The following KIAA1217 variants were observed in gnomAD, a reference collection of about 807,000 sequenced individuals.
KIAA1217 encodes sickle tail protein homolog.
KIAA1217 carries 88 observed loss-of-function variants against 163.9 expected under a neutral mutation model. That is an observed-to-expected ratio of 0.54 (90% CI 0.45 to 0.64). KIAA1217 has a LOEUF of 0.64. KIAA1217 is among the 30% of genes least tolerant of loss of function. The pLI is 0.00. For synonymous variants in KIAA1217, 903 were observed against 923.1 expected, an observed-to-expected ratio of 0.98 and a Z score of 0.39; for missense variants, 2,372 against 2,475.0, an observed-to-expected ratio of 0.96 and a Z score of 0.88.
intron 2 of KIAA1217, among the ~76,000 whole-genome samples, chr10:24,365,721 A>AC (rs2050691136): frequency 2.0e-5 from 3 of 151,488 alleles, no homozygotes; most frequent in Admixed American, 2.0e-4. Context: ...TATTTTTTTA[A>AC]CCCCTATGTG....
intron 1 of KIAA1217, among the ~76,000 whole-genome samples, chr10:23,808,746 G>A (rs1012542834): frequency 2.6e-5 from 4 of 151,966 alleles, no homozygotes; most frequent in African/African-American, 9.7e-5. Flanking sequence ...TAAAAGATGA[G>A]AAAGAAGCAA....
At chr10:24,192,510 A>T (rs1025484545) in intron 2 of KIAA1217, among the ~76,000 whole-genome samples, 3 of 152,204 alleles carry the variant, frequency 2.0e-5, no homozygotes, top group Non-Finnish European at 4.4e-5. Flanking sequence ...TTCCAGTGTC[A>T]TCCCCATAAG....
chr10:23,896,728 C>T (rs781071440), intron 1 of KIAA1217, among the ~76,000 whole-genome samples: 1 of 152,046 alleles, frequency 6.6e-6, no homozygotes, highest in Non-Finnish European at 1.5e-5. Flanking sequence ...ATGACACTTG[C>T]TTTCTTTGCA....
intron 2 of KIAA1217, among the ~76,000 whole-genome samples, chr10:24,065,631 G>A (rs1157812094): frequency 6.6e-6 from 1 of 152,202 alleles, no homozygotes; most frequent in African/African-American, 2.4e-5. Flanking sequence ...GATGTGGGGT[G>A]GAGAGTTCTG....
At chr10:24,260,812 T>C (rs1032577760) in intron 2 of KIAA1217, among the ~76,000 whole-genome samples, 1 of 152,136 alleles carries the variant, frequency 6.6e-6, no homozygotes, top group Non-Finnish European at 1.5e-5. Flanking sequence ...TTAGACATCA[T>C]ACCTTTTGTC....
chr10:23,801,353 C>G (rs1231687406), intron 1 of KIAA1217, among the ~76,000 whole-genome samples: 1 of 152,094 alleles, frequency 6.6e-6, no homozygotes, highest in Admixed American at 6.6e-5. Context: ...GGAGGGATAG[C>G]GTTAGGATTA....
chr10:24,078,023 A>G (rs921306269), intron 2 of KIAA1217, among the ~76,000 whole-genome samples: 1 of 152,026 alleles, frequency 6.6e-6, no homozygotes, highest in African/African-American at 2.4e-5. Flanking sequence ...TCCTTTGCCT[A>G]CTTTTTAATG....
At chr10:23,941,695 G>T (rs972056362) in intron 1 of KIAA1217, among the ~76,000 whole-genome samples, 25 of 152,138 alleles carry the variant, frequency 1.6e-4, no homozygotes, top group Non-Finnish European at 2.5e-4. Flanking sequence ...AATCCCAGGA[G>T]CCCAGCAAAA....
At chr10:24,326,335 A>G (rs1007398783) in intron 2 of KIAA1217, among the ~76,000 whole-genome samples, 5 of 152,024 alleles carry the variant, frequency 3.3e-5, no homozygotes, top group African/African-American at 1.2e-4. Flanking sequence ...TAAAACTTCC[A>G]TTTGCTTCCT....
intron 2 of KIAA1217, among the ~76,000 whole-genome samples, chr10:24,291,460 G>T (rs1192223044): frequency 6.6e-6 from 1 of 152,174 alleles, no homozygotes; most frequent in African/African-American, 2.4e-5. Flanking sequence ...AACCTGGGAG[G>T]CGGAGGTTCT....
rs553785610 is a variant in KIAA1217 at position 24,163,294 on chromosome 10, C to A, written c.-170-56332C>A. On this transcript the variant is annotated intron_variant, in intron 2 of 18. Coordinates refer to the KIAA1217 transcript ENST00000376462. The stretch of plus-strand genomic sequence containing the variant: ...TCTGACAATCAAAAATGCTCTGTGT[C>A]TTTGGAATGCTGGTTAACCTTTTTG... Among the ~76,000 whole-genome samples the A allele has an allele frequency of 1.1e-4, 17 of 152,310 alleles. No homozygotes were observed. The East Asian group carries it at 3.3e-3, about 29-fold the overall frequency.
At chr10:24,518,299 T>A (rs2070514830) in intron 10 of KIAA1217, among the ~76,000 whole-genome samples, 1 of 151,380 alleles carries the variant, frequency 6.6e-6, no homozygotes, top group African/African-American at 2.4e-5. Context: ...ATGAACAAAT[T>A]TGATTTTTAA....
chr10:24,338,746 TTTAAGA>T (rs1157866298), intron 2 of KIAA1217, among the ~76,000 whole-genome samples: 2 of 152,240 alleles, frequency 1.3e-5, no homozygotes, highest in African/African-American at 2.4e-5. Context: ...TTTGAGGCAT[TTTAAGA>T]TTATTTCCTT....
intron 1 of KIAA1217, among the ~76,000 whole-genome samples, chr10:23,993,191 C>G (rs1846298860): frequency 4.6e-5 from 7 of 151,940 alleles, no homozygotes; most frequent in Admixed American, 4.6e-4. Flanking sequence ...GCCACCACAC[C>G]CGGCTAATTT....
chr10:24,545,721 T>C, intron 20 of KIAA1217, 106 bp from the exon 21 acceptor site: 1 of 1,510,948 alleles, frequency 6.6e-7, no homozygotes, highest in Non-Finnish European at 8.8e-7. Context: ...GTTTGGTTGG[T>C]TTTCTTTGAT....
At chr10:24,355,129 T>C (rs2048922395) in intron 2 of KIAA1217, among the ~76,000 whole-genome samples, 1 of 152,162 alleles carries the variant, frequency 6.6e-6, no homozygotes, top group African/African-American at 2.4e-5. Flanking sequence ...TGACACAGAC[T>C]GGTGAGGGCA....
chr10:24,527,292 T>C (rs553613328), intron 13 of KIAA1217, among the ~76,000 whole-genome samples: 21 of 150,636 alleles, frequency 1.4e-4, no homozygotes, highest in Admixed American at 4.6e-4. Flanking sequence ...TCTTCTACAA[T>C]GAAAACTCAA....
At chr10:23,767,915 A>G (rs991256826) in intron 1 of KIAA1217, among the ~76,000 whole-genome samples, 1 of 152,144 alleles carries the variant, frequency 6.6e-6, no homozygotes, top group African/African-American at 2.4e-5. Context: ...TTTCCCCCTC[A>G]ATTTGAAATG....
chr10:23,784,504 G>T (rs975140808), intron 1 of KIAA1217, among the ~76,000 whole-genome samples: 25 of 151,738 alleles, frequency 1.6e-4, no homozygotes, highest in African/African-American at 4.4e-4. Context: ...GGTTTTTTTT[G>T]TTTGTTTGTT....
Sources: gnomAD v4.1 joint callset for allele counts (sites outside exome capture counted in the v4.1 genomes callset) on GRCh38, gnomAD v4.1.1 for gene constraint, MANE v1.5 for transcripts, NCBI Gene and HGNC (gene_info 2026-07-23, HGNC 2026-07-21) for gene names.